Variants in KIAA0513 observed in about 807,000 individuals in gnomAD.
The protein encoded by KIAA0513 is KIAA0513, also known as uncharacterized protein KIAA0513.
KIAA0513 carries 39 observed loss-of-function variants against 56.5 expected under a neutral mutation model. The observed-to-expected ratio is 0.69, with a 90% confidence interval of 0.53 to 0.90. KIAA0513 has a LOEUF of 0.90. Ranked by LOEUF, KIAA0513 falls within the 40% of genes least tolerant of loss-of-function variation. The pLI is 0.00. For synonymous variants in KIAA0513, 268 were observed against 215.6 expected (o/e 1.24, Z -2.13); for missense variants, 591 against 535.2 (o/e 1.10, Z -1.03).
intron 4 of KIAA0513, 65 bp downstream of exon 4, chr16:85,073,063 C>T (rs2073602570): frequency 1.5e-6 from 2 of 1,339,284 alleles, no homozygotes; most frequent in Non-Finnish European, 1.1e-6. Flanking sequence ...TGCCTCCCTC[C>T]CCACCCAGCC....
intron 1 of KIAA0513, among the ~76,000 whole-genome samples, chr16:85,059,529 C>G (rs1414871369): frequency 1.3e-5 from 2 of 152,212 alleles, no homozygotes; most frequent in Admixed American, 1.3e-4. Context: ...GCTTAAGATG[C>G]TATCAGATGC....
rs2073280610 is a variant in KIAA0513, at chr16:85,053,287, C to G, written c.-172-13613C>G. Reference sequence around the variant, plus strand: ...TCATGCCTGATACACGGAAGGTACTCAGGAAACACCCAGCGAATGAATGAA... The same window carrying G: ...TCATGCCTGATACACGGAAGGTACTGAGGAAACACCCAGCGAATGAATGAA... On this transcript the variant is annotated intron_variant, in intron 1 of 12. Coordinates refer to ENST00000683363, the MANE Select transcript of KIAA0513 (RefSeq NM_001388359.1). 3.9e-5 allele frequency among the ~76,000 whole-genome samples: 6 copies of G among 152,314 alleles called. No individual in the cohort carries two copies. In the South Asian group the frequency reaches 1.2e-3, roughly 32 times the overall value.
intron 4 of KIAA0513, among the ~76,000 whole-genome samples, chr16:85,073,713 G>A (rs374339800): frequency 5.3e-5 from 8 of 152,226 alleles, no homozygotes; most frequent in African/African-American, 1.9e-4. Flanking sequence ...GCCTCGAGAG[G>A]AGGATTCTGG....
At chr16:85,075,545 A>G (rs1351316129) in intron 4 of KIAA0513, among the ~76,000 whole-genome samples, 1 of 152,134 alleles carries the variant, frequency 6.6e-6, no homozygotes, top group Non-Finnish European at 1.5e-5. Flanking sequence ...GAGGGCTGGC[A>G]TCTCATCCTG....
chr16:85,052,035 G>A (rs1263947581), intron 1 of KIAA0513, among the ~76,000 whole-genome samples: 1 of 151,792 alleles, frequency 6.6e-6, no homozygotes, highest in African/African-American at 2.4e-5. Flanking sequence ...CTAAAACGAC[G>A]CATTGGCCAG....
chr16:85,034,367 G>A (rs975741567), intron 1 of KIAA0513, among the ~76,000 whole-genome samples: 1 of 152,072 alleles, frequency 6.6e-6, no homozygotes, highest in Admixed American at 6.5e-5. Flanking sequence ...GCGACAAGAG[G>A]GAAGCTCCAT....
intron 3 of KIAA0513, among the ~76,000 whole-genome samples, chr16:85,072,239 T>G (rs1396571291): frequency 2.0e-5 from 3 of 152,106 alleles, no homozygotes; most frequent in Non-Finnish European, 2.9e-5. Context: ...AGTAGCTCAT[T>G]TGGATGTCGC....
At chr16:85,035,634 G>T (rs1051002641) in intron 1 of KIAA0513, among the ~76,000 whole-genome samples, 4 of 152,144 alleles carry the variant, frequency 2.6e-5, no homozygotes, top group Admixed American at 6.5e-5. Flanking sequence ...GGGACTACAG[G>T]CATGTGCCAC....
At chr16:85,035,047 C>T (rs1023231039) in intron 1 of KIAA0513, among the ~76,000 whole-genome samples, 20 of 152,214 alleles carry the variant, frequency 1.3e-4, no homozygotes, top group Non-Finnish European at 2.4e-4. Flanking sequence ...TTCCCCAGGC[C>T]GAGCCGTCAG....
chr16:85,046,503 T>G (rs533554388), intron 1 of KIAA0513, among the ~76,000 whole-genome samples: 1 of 152,294 alleles, frequency 6.6e-6, no homozygotes, highest in South Asian at 2.1e-4. Flanking sequence ...TCTAGTCCCC[T>G]TCGGTTATGT....
intron 1 of KIAA0513, among the ~76,000 whole-genome samples, chr16:85,055,975 C>T (rs898101144): frequency 6.6e-5 from 10 of 152,268 alleles, no homozygotes; most frequent in African/African-American, 2.2e-4. Context: ...GTGTCTCCCC[C>T]AGTCCCCATC....
At chr16:85,052,569 T>TAACCTAA (rs1345352973) in intron 1 of KIAA0513, among the ~76,000 whole-genome samples, 3 of 152,168 alleles carry the variant, frequency 2.0e-5, no homozygotes, top group African/African-American at 7.2e-5. Context: ...ATGGGTTTCT[T>TAACCTAA]TGGGCTTAAG....
At chr16:85,072,287 T>A (rs1191949993) in intron 3 of KIAA0513, among the ~76,000 whole-genome samples, 1 of 152,106 alleles carries the variant, frequency 6.6e-6, no homozygotes, top group East Asian at 1.9e-4. Flanking sequence ...GCTTTCAACT[T>A]TATGAAATTC....
intron 8 of KIAA0513, among the ~76,000 whole-genome samples, chr16:85,080,183 C>T (rs1044485179): frequency 5.9e-5 from 9 of 152,082 alleles, no homozygotes; most frequent in African/African-American, 1.4e-4. Flanking sequence ...AAGCAGAGGA[C>T]GGGGAGAAGC....
intron 1 of KIAA0513, among the ~76,000 whole-genome samples, chr16:85,050,854 G>A (rs1424763251): frequency 2.0e-5 from 3 of 152,154 alleles, no homozygotes; most frequent in South Asian, 2.1e-4. Context: ...CTTCACAGGC[G>A]TTTACAAATG....
intron 1 of KIAA0513, among the ~76,000 whole-genome samples, chr16:85,037,548 T>A (rs989399193): frequency 2.0e-4 from 30 of 152,166 alleles, no homozygotes; most frequent in African/African-American, 7.0e-4. Context: ...CCTCCCGTAA[T>A]TTTTTAAAAA....
rs1018427966 is a variant in KIAA0513, at chr16:85,077,593, T to C, written c.743T>C (p.Leu248Pro). 6 of 1,613,622 alleles carry C rather than the reference T, an allele frequency of 3.7e-6. No individual in the cohort carries two copies. In the African/African-American group the frequency reaches 5.3e-5, roughly 14 times the overall value. Residue 248 changes from leucine (L) to proline (P), a missense_variant, in exon 6 of 13, where the codon CTG (leucine) becomes CCG (proline). Transcript: ENST00000683363. ...TENVKGFFGGLETKLKGPLAR... is the reference protein window; with the variant it reads ...TENVKGFFGGPETKLKGPLAR... ...AATGTCAAGGGCTTCTTCGGGGGGC[T>C]GGAGACCAAGCTGAAGGGGCCCCTG...
chr16:85,040,704 T>C lies in KIAA0513; in HGVS notation c.-173+12846T>C, dbSNP rs371404953. On this transcript the variant is annotated intron_variant, in intron 1 of 12. Transcript: ENST00000683363. ...AGGTTAAACCCTCCCCAAGCTATCATTGCTTTTCCTAAAAGCACAGACTAA... is the reference window on the plus strand; with the variant it reads ...AGGTTAAACCCTCCCCAAGCTATCACTGCTTTTCCTAAAAGCACAGACTAA... Among the ~76,000 whole-genome samples the C allele has an allele frequency of 5.6e-4, 85 of 152,302 alleles. 1 individual carries two copies. The East Asian group carries it at 0.014, about 25-fold the overall frequency.
intron 10 of KIAA0513, among the ~76,000 whole-genome samples, chr16:85,084,877 A>C (rs1404176688): frequency 6.6e-6 from 1 of 152,204 alleles, no homozygotes; most frequent in Non-Finnish European, 1.5e-5. Context: ...CTCAGTTGTA[A>C]GAAGTGATTT....
Sources: gnomAD v4.1 joint callset for allele counts (sites outside exome capture counted in the v4.1 genomes callset) on GRCh38, gnomAD v4.1.1 for gene constraint, MANE v1.5 for transcripts, NCBI Gene and HGNC (gene_info 2026-07-23, HGNC 2026-07-21) for gene names.